The following UBQLN1 variants were observed in gnomAD, a reference collection of about 807,000 sequenced individuals.
UBQLN1 encodes ubiquilin-1.
A neutral mutation model predicts 65.4 loss-of-function variants in UBQLN1; 13 were observed. That is an observed-to-expected ratio of 0.20 (90% CI 0.13 to 0.32). The LOEUF (loss-of-function observed/expected upper bound fraction) is 0.32, where lower values mean the gene tolerates loss of function less well. UBQLN1 is among the 10% of genes least tolerant of loss of function. The pLI is 1.00. For missense variants in UBQLN1, 561 were observed against 724.0 expected (o/e 0.77, Z 2.58); for synonymous variants, 267 against 247.8 (o/e 1.08, Z -0.73).
intron 6 of UBQLN1, among the ~76,000 whole-genome samples, chr9:83,674,185 TAA>T (rs11403634): frequency 2.8e-5 from 4 of 145,080 alleles, no homozygotes; most frequent in African/African-American, 2.5e-5. Context: ...ACTGCAGCAT[TAA>T]AAAAAAAAAA....
chr9:83,707,688 C>T lies in UBQLN1; in HGVS notation c.-9G>A. ...TCACCACTCTCGGCCATGGCTGTGG[C>T]GGCGGCGGCGGCGGTGACTCAGGCA... On this transcript the variant is annotated 5_prime_UTR_variant, in exon 1 of 11. Transcript: ENST00000376395. The T allele has an allele frequency of 1.3e-6, 2 of 1,498,058 alleles. No homozygotes were observed. Among genetic ancestry groups the T allele is most frequent in the Admixed American group, 2.4e-5 (1 of 41,574 alleles). 92.8% of individuals were successfully genotyped at this position (1,498,058 alleles called of 1,614,324 possible).
At chr9:83,679,102 G>A (rs1214644422) in intron 4 of UBQLN1, among the ~76,000 whole-genome samples, 1 of 152,154 alleles carries the variant, frequency 6.6e-6, no homozygotes. Context: ...CTTGTGCCAA[G>A]TGCCATGTAA....
chr9:83,691,108 A>C (rs1184254443), intron 1 of UBQLN1, among the ~76,000 whole-genome samples: 1 of 152,156 alleles, frequency 6.6e-6, no homozygotes. Flanking sequence ...ACTGCACTCC[A>C]GCCTGGGTGA....
intron 1 of UBQLN1, among the ~76,000 whole-genome samples, chr9:83,687,122 T>G (rs1362197765): frequency 6.6e-6 from 1 of 151,994 alleles, no homozygotes; most frequent in East Asian, 1.9e-4. Flanking sequence ...AGGTGAGCAG[T>G]CCAATGAGAG....
rs1471233546 is a variant in UBQLN1, at chr9:83,678,423, T to C, written c.870+18A>G. The C allele has an allele frequency of 6.2e-7, 1 of 1,604,616 alleles. No individual in the cohort carries two copies. The highest frequency in any genetic ancestry group is 8.5e-7 in the Non-Finnish European group (1 of 1,175,994). ...CAGAAGCTACTCCTTGGCCTGAACC[T>C]TGGAGCCAGTGGATCACCTGCTCTT... On this transcript the variant is annotated intron_variant, in intron 5 of 10. Transcript: ENST00000376395.
rs998676765 is a variant in UBQLN1, at chr9:83,677,110, T to C, written c.1105+617A>G. Among the ~76,000 whole-genome samples the C allele has an allele frequency of 3.9e-5, 6 of 152,230 alleles. No individual in the cohort carries two copies. In the South Asian group the frequency reaches 8.3e-4, roughly 21 times the overall value. On this transcript the variant is annotated intron_variant, in intron 6 of 10. Coordinates refer to ENST00000376395, the MANE Select transcript of UBQLN1 (RefSeq NM_013438.5). ...GGCAGGTGCTCTGATGCAGCCAGTA[T>C]AGCCCTGACCTCAAGACGGGTGCTT... is the stretch of plus-strand genomic sequence containing the variant.
At chr9:83,705,127 G>A (rs1041532930) in intron 1 of UBQLN1, among the ~76,000 whole-genome samples, 3 of 152,024 alleles carry the variant, frequency 2.0e-5, no homozygotes, top group Non-Finnish European at 4.4e-5. Flanking sequence ...TACAGAGACT[G>A]ACAATATCAA....
chr9:83,707,438 G>A (rs1832430587), intron 1 of UBQLN1, 62 bp downstream of exon 1: 2 of 1,517,254 alleles, frequency 1.3e-6, no homozygotes, highest in African/African-American at 2.8e-5. Flanking sequence ...AAGGTCTCCT[G>A]GGGCGGCGGG....
chr9:83,670,616 G>A (rs1199472679), intron 6 of UBQLN1, among the ~76,000 whole-genome samples: 1 of 152,178 alleles, frequency 6.6e-6, no homozygotes, highest in Admixed American at 6.5e-5. Flanking sequence ...TCAGCTGGTG[G>A]TCGCTAAAGG....
At chr9:83,694,422 TATC>T (rs1832175917) in intron 1 of UBQLN1, among the ~76,000 whole-genome samples, 1 of 152,238 alleles carries the variant, frequency 6.6e-6, no homozygotes, top group Non-Finnish European at 1.5e-5. Flanking sequence ...TTCTGTCAGT[TATC>T]ATTCTCCAAG....
rs752884357 is a variant in UBQLN1, at chr9:83,707,685, TGGCGGC to T, written c.-12_-7del. ...CTTTCACCACTCTCGGCCATGGCTG[TGGCGGC>T]GGCGGCGGCGGTGACTCAGGCAAGC... On this transcript the variant is annotated 5_prime_UTR_variant, in exon 1 of 11. Transcript: ENST00000376395. 1.9e-4 allele frequency: 290 copies of T among 1,531,328 alleles called. 1 individual carries two copies. The African/African-American group carries it at 3.3e-3, about 18-fold the overall frequency. 94.9% of individuals were successfully genotyped at this position (1,531,328 alleles called of 1,614,324 possible). A position where few individuals can be genotyped will look rare whatever the true frequency, so the allele number is the denominator to read the frequency against.
intron 6 of UBQLN1, among the ~76,000 whole-genome samples, chr9:83,671,648 T>G (rs1177852056): frequency 6.6e-6 from 1 of 152,142 alleles, no homozygotes; most frequent in African/African-American, 2.4e-5. Flanking sequence ...TAAACAGATG[T>G]GCTGTCATCC....
At chr9:83,701,483 T>C (rs868917) in intron 1 of UBQLN1, among the ~76,000 whole-genome samples, 40,545 of 151,998 alleles carry the variant, frequency 0.27, 6,614 homozygotes, top group East Asian at 0.8. Context: ...TAACAGGGTA[T>C]GGGGACTCCC....
intron 6 of UBQLN1, among the ~76,000 whole-genome samples, chr9:83,672,096 T>C (rs924127899): frequency 2.0e-5 from 3 of 152,222 alleles, no homozygotes; most frequent in Non-Finnish European, 4.4e-5. Flanking sequence ...TGCAGATTCC[T>C]TACCTCTCAG....
intron 1 of UBQLN1, among the ~76,000 whole-genome samples, chr9:83,705,396 C>A (rs1364211591): frequency 6.6e-6 from 1 of 152,126 alleles, no homozygotes; most frequent in African/African-American, 2.4e-5. Context: ...ATTACAGGTG[C>A]CTGCCACCAC....
chr9:83,707,147 C>A (rs1000733276), intron 1 of UBQLN1, among the ~76,000 whole-genome samples: 1 of 152,154 alleles, frequency 6.6e-6, no homozygotes, highest in African/African-American at 2.4e-5. Context: ...CCAGCCTCCA[C>A]CCCGCCCGGA....
intron 7 of UBQLN1, chr9:83,668,195 T>A (rs1831673591): frequency 2.0e-6 from 2 of 985,180 alleles, no homozygotes; most frequent in African/African-American, 1.7e-5. Context: ...TAAAATTTGT[T>A]ATTTCCAATT....
At chr9:83,687,574 G>A (rs76505924) in intron 1 of UBQLN1, among the ~76,000 whole-genome samples, 6 of 152,280 alleles carry the variant, frequency 3.9e-5, no homozygotes, top group Non-Finnish European at 8.8e-5. Flanking sequence ...TGGTTGTCAC[G>A]ATAAACGGAA....
At chr9:83,682,179 G>GGA (rs1476009536) in intron 3 of UBQLN1, among the ~76,000 whole-genome samples, 4 of 152,180 alleles carry the variant, frequency 2.6e-5, no homozygotes, top group Non-Finnish European at 4.4e-5. Context: ...CAGCTACTCG[G>GGA]GAGGCTGAGG....
Sources: allele counts gnomAD v4.1 joint callset (sites outside exome capture counted in the v4.1 genomes callset), GRCh38; gene constraint gnomAD v4.1.1; transcripts MANE v1.5; gene names NCBI Gene and HGNC (gene_info 2026-07-23, HGNC 2026-07-21).